Variants in CFAP77 observed in about 807,000 individuals in gnomAD.
The protein encoded by CFAP77 is cilia and flagella associated protein 77.
A neutral mutation model predicts 31.1 loss-of-function variants in CFAP77; 25 were observed. The observed-to-expected ratio is 0.80, with a 90% CI of 0.59 to 1.12. The LOEUF is 1.12. CFAP77 is among the 50% of genes most tolerant of loss of function. The probability of loss-of-function intolerance (pLI) is 0.00; values close to 1 mark genes in which losing one functional copy is unlikely to be tolerated. For synonymous variants in CFAP77, 151 were observed against 159.9 expected, an observed-to-expected ratio of 0.94 and a Z score of 0.42; for missense variants, 377 against 397.3, an observed-to-expected ratio of 0.95 and a Z score of 0.44.
At chr9:132,544,160 C>A (rs10122061) in intron 5 of CFAP77, among the ~76,000 whole-genome samples, 2 of 152,216 alleles carry the variant, frequency 1.3e-5, no homozygotes, top group Non-Finnish European at 2.9e-5. Flanking sequence ...TGCTCTGCCC[C>A]CCCTTGACGC....
intron 1 of CFAP77, among the ~76,000 whole-genome samples, chr9:132,433,811 G>A (rs1045904542): frequency 1.3e-5 from 2 of 151,744 alleles, no homozygotes; most frequent in Non-Finnish European, 2.9e-5. Context: ...GCCTCCCAAA[G>A]TGCTGTGATT....
rs1852866704 is a variant in CFAP77, at chr9:132,554,444, C to A, written c.732+11397C>A. Among the ~76,000 whole-genome samples, 1 of 152,006 alleles carries A rather than the reference C, an allele frequency of 6.6e-6. No individual in the cohort carries two copies. Among genetic ancestry groups the A allele is most frequent in the Non-Finnish European group, 1.5e-5 (1 of 68,004 alleles). ...CTCAACTTCCTAGGCTCAGGTGATC[C>A]CCCACCTCAGCCTCCCAAGTAGTTG... On this transcript the variant is annotated intron_variant, in intron 5 of 5. Coordinates refer to ENST00000393216, the MANE Select transcript of CFAP77 (RefSeq NM_001282957.2). This position sits in a 1 kb window ranked among gnomAD's most constrained non-coding sequence, Gnocchi z 4.1.
intron 1 of CFAP77, among the ~76,000 whole-genome samples, chr9:132,441,433 T>G (rs1850614205): frequency 6.6e-6 from 1 of 152,166 alleles, no homozygotes; most frequent in South Asian, 2.1e-4. Context: ...GACCTATTTA[T>G]TAGCTGTGAT....
Position 132,480,476 on chromosome 9 carries a change from G to A in CFAP77, c.196-18219G>A, listed in dbSNP as rs79674852. 9.3e-3 allele frequency among the ~76,000 whole-genome samples: 1,411 copies of A among 152,314 alleles called. 27 individuals carry two copies. The highest frequency in any genetic ancestry group is 0.032 in the African/African-American group (1,347 of 41,556). ...GCCCCACCCCTTGGTGCTCAGTCAC[G>A]TGAGCATCCCAGAGCATGTGCTGAA... On this transcript the variant is annotated intron_variant, in intron 1 of 5. Coordinates refer to ENST00000393216, the MANE Select transcript of CFAP77 (RefSeq NM_001282957.2). The surrounding 1 kb of genome is among the most constrained non-coding windows in gnomAD (Gnocchi z 5.8).
intron 3 of CFAP77, among the ~76,000 whole-genome samples, chr9:132,531,625 T>TGGGGG (rs57104311): frequency 7.6e-5 from 5 of 66,110 alleles, no homozygotes; most frequent in African/African-American, 2.4e-4. Context: ...GGCTAAGACA[T>TGGGGG]GGGGGGGGGG....
intron 1 of CFAP77, among the ~76,000 whole-genome samples, chr9:132,419,104 C>A (rs949959927): frequency 2.6e-5 from 4 of 152,110 alleles, no homozygotes; most frequent in African/African-American, 9.7e-5. Flanking sequence ...GAGTAGCACA[C>A]AGGAGGGAGA....
chr9:132,537,657 A>G lies in CFAP77; in HGVS notation c.581A>G (p.Gln194Arg). The change falls in exon 4 of 6, where the codon CAG (glutamine) becomes CGG (arginine). Residue 194 changes from glutamine to arginine, a missense_variant. Physicochemically the swap from Gln to Arg is conservative, Grantham distance 43. Coordinates refer to ENST00000393216, the MANE Select transcript of CFAP77 (RefSeq NM_001282957.2). ...CACCGGTACCTGCAGCTGTGGGTAC[A>G]GGAACAAAAGGCCACCCAGAAAGCC... The part of the protein sequence containing the change: ...LQHRYLQLWV[Q>R]EQKATQKAIK... 2 of 1,613,684 alleles carry G rather than the reference A, an allele frequency of 1.2e-6. No individual in the cohort carries two copies. Among genetic ancestry groups the G allele is most frequent in the Non-Finnish European group, 1.7e-6 (2 of 1,179,786 alleles).
chr9:132,444,764 C>T, intron 1 of CFAP77, among the ~76,000 whole-genome samples: 1 of 151,964 alleles, frequency 6.6e-6, no homozygotes, highest in South Asian at 2.1e-4. Context: ...TATGCGTGAC[C>T]TAAAATTTGC....
intron 1 of CFAP77, among the ~76,000 whole-genome samples, chr9:132,439,751 A>G (rs553899335): frequency 1.3e-5 from 2 of 150,274 alleles, no homozygotes; most frequent in South Asian, 2.1e-4. Flanking sequence ...GGGAAGGCTG[A>G]GGCAGGAGAA....
intron 5 of CFAP77, among the ~76,000 whole-genome samples, chr9:132,547,109 T>A (rs1039842999): frequency 4.6e-5 from 7 of 152,232 alleles, no homozygotes; most frequent in African/African-American, 1.7e-4. Flanking sequence ...TGATGCCCTC[T>A]GTGCCCTGTG....
In CFAP77 at chr9:132,543,001, C is replaced by T. The variant is rs766142719; in HGVS notation, c.686C>T (p.Pro229Leu). 5.6e-5 allele frequency: 90 copies of T among 1,614,038 alleles called. No individual in the cohort carries two copies. Among genetic ancestry groups the T allele is most frequent in the Non-Finnish European group, 6.8e-5 (80 of 1,180,032 alleles). The change falls in exon 5 of 6, where the codon CCG becomes CTG. Residue 229 changes from proline to leucine, a missense_variant. Pro to Leu is a moderately conservative substitution (Grantham distance 98). Coordinates refer to ENST00000393216, the MANE Select transcript of CFAP77 (RefSeq NM_001282957.2). ...TRSSQLRKYKPPVKLDTLWHM... is the reference protein window; with the variant it reads ...TRSSQLRKYKLPVKLDTLWHM... The stretch of plus-strand genomic sequence containing the variant: ...AGCAGTCAGCTGAGGAAGTACAAGC[C>T]GCCCGTGAAGCTGGACACCCTCTGG...
At position 132,529,514 on chromosome 9, in the gene CFAP77, A is replaced by AAAC. The variant is rs1169020726; in HGVS notation, c.525-8085_525-8084insCAA. Among the ~76,000 whole-genome samples, 9 of 117,356 alleles carry AAAC rather than the reference A, an allele frequency of 7.7e-5. 1 individual carries two copies. The highest frequency in any genetic ancestry group is 1.1e-4 in the Non-Finnish European group (6 of 53,664). 77.0% of individuals were successfully genotyped at this position (117,356 alleles called of 152,430 possible). ...CTAAAACTTAGAGTATAATAAAAAA[A>AAAC]AAAAACAAAAAAAAAACTAAACACA... On this transcript the variant is annotated intron_variant, in intron 3 of 5. Coordinates refer to ENST00000393216, the MANE Select transcript of CFAP77 (RefSeq NM_001282957.2).
chr9:132,525,153 G>A (rs941994664), intron 3 of CFAP77, among the ~76,000 whole-genome samples: 2 of 151,260 alleles, frequency 1.3e-5, no homozygotes, highest in Non-Finnish European at 2.9e-5. Flanking sequence ...CTGAGTAGCC[G>A]GGACTACAGG....
At chr9:132,557,720 G>A (rs895117026) in intron 5 of CFAP77, among the ~76,000 whole-genome samples, 1 of 152,102 alleles carries the variant, frequency 6.6e-6, no homozygotes, top group South Asian at 2.1e-4. Context: ...CAAGGCTGCC[G>A]GGAGTCCATG....
In CFAP77 at chr9:132,499,452, G is replaced by T; in HGVS notation, c.376G>T (p.Gly126Trp). The T allele has an allele frequency of 6.2e-7, 1 of 1,614,216 alleles. No homozygotes were observed. Among genetic ancestry groups the T allele is most frequent in the South Asian group, 1.1e-5 (1 of 91,084 alleles). The change falls in exon 3 of 6, where the codon GGG (glycine) becomes TGG (tryptophan). Residue 126 changes from glycine to tryptophan, a missense_variant. Physicochemically the swap from Gly to Trp is radical, Grantham distance 184. Coordinates refer to ENST00000393216, the MANE Select transcript of CFAP77 (RefSeq NM_001282957.2). The surrounding 1 kb of genome is among the most constrained non-coding windows in gnomAD (Gnocchi z 5.4). Reference sequence around the variant, plus strand: ...CCGGAATTATATCGCAATGAACCGCGGGGCGGTGAAAGCCGGCCTGGTGAC... The same window carrying T: ...CCGGAATTATATCGCAATGAACCGCTGGGCGGTGAAAGCCGGCCTGGTGAC... ...LTRNYIAMNR[G>W]AVKAGLVTAR... is the part of the protein sequence containing the mutation.
intron 1 of CFAP77, among the ~76,000 whole-genome samples, chr9:132,464,189 A>G (rs1008377625): frequency 6.6e-6 from 1 of 152,188 alleles, no homozygotes; most frequent in African/African-American, 2.4e-5. Context: ...TTAGGGAAAC[A>G]TGCACATCTT....
intron 1 of CFAP77, among the ~76,000 whole-genome samples, chr9:132,432,015 C>T (rs2080076298): frequency 6.6e-6 from 1 of 152,126 alleles, no homozygotes; most frequent in African/African-American, 2.4e-5. Flanking sequence ...CTGTGAACGT[C>T]ATAGGCACAT....
intron 1 of CFAP77, among the ~76,000 whole-genome samples, chr9:132,459,859 T>G (rs369565465): frequency 5.9e-5 from 9 of 151,522 alleles, no homozygotes; most frequent in African/African-American, 2.2e-4. Context: ...AGTCTGTGTG[T>G]GAGTGTGTGT....
intron 4 of CFAP77, among the ~76,000 whole-genome samples, chr9:132,542,394 A>G (rs191522063): frequency 4.6e-5 from 7 of 152,358 alleles, no homozygotes; most frequent in South Asian, 4.1e-4. Context: ...GTCAGTGGGC[A>G]CAGGCACGCA....
Sources: gnomAD v4.1 joint callset for allele counts (sites outside exome capture counted in the v4.1 genomes callset) on GRCh38, gnomAD v4.1.1 for gene constraint, Gnocchi (gnomAD v3.1) non-coding constraint, MANE v1.5 for transcripts, NCBI Gene and HGNC (gene_info 2026-07-23, HGNC 2026-07-21) for gene names.